HERC2: variants seen among roughly 807,000 people sequenced by gnomAD.
HERC2 encodes E3 ubiquitin-protein ligase HERC2.
In HERC2, 102 loss-of-function variants were observed where a neutral mutation model predicts 537.7. That is an observed-to-expected ratio of 0.19 (90% CI 0.16 to 0.22). HERC2 has a LOEUF of 0.22. HERC2 is among the 10% of genes least tolerant of loss of function. HERC2 has a pLI of 1.00. For synonymous variants in HERC2, 2,224 were observed against 2,466.2 expected (o/e 0.90, Z 2.91); for missense variants, 4,236 against 6,198.2 (o/e 0.68, Z 10.63).
chr15:28,137,056 T>C (rs182117225), intron 78 of HERC2, among the ~76,000 whole-genome samples: 92 of 151,438 alleles, frequency 6.1e-4, no homozygotes, highest in African/African-American at 2.2e-3. Context: ...CAATAATGTC[T>C]ATGGCAGAGG....
intron 35 of HERC2, among the ~76,000 whole-genome samples, chr15:28,225,130 G>A (rs1268572253): frequency 1.3e-5 from 2 of 152,302 alleles, no homozygotes; most frequent in East Asian, 3.9e-4. Flanking sequence ...CCTCACACCT[G>A]TAATCCCAGC....
At chr15:28,293,506 A>G (rs1445757558) in intron 3 of HERC2, among the ~76,000 whole-genome samples, 6 of 151,928 alleles carry the variant, frequency 3.9e-5, no homozygotes, top group Middle Eastern at 3.4e-3. Flanking sequence ...AAAAAAAAAA[A>G]AAAAAGAAAC....
At chr15:28,134,713 T>C (rs1890443287) in intron 79 of HERC2, among the ~76,000 whole-genome samples, 1 of 151,380 alleles carries the variant, frequency 6.6e-6, no homozygotes, top group Admixed American at 6.6e-5. Flanking sequence ...CTTTTTTTTT[T>C]TTTTTTTGAG....
intron 85 of HERC2, among the ~76,000 whole-genome samples, chr15:28,123,759 C>A (rs1197979510): frequency 6.6e-6 from 1 of 152,184 alleles, no homozygotes; most frequent in Non-Finnish European, 1.5e-5. Flanking sequence ...AAGGCCCCAC[C>A]TCATCCTTCT....
intron 2 of HERC2, among the ~76,000 whole-genome samples, chr15:28,309,056 A>T (rs11853181): frequency 0.019 from 2,831 of 152,204 alleles, 48 homozygotes; most frequent in African/African-American, 0.064. Flanking sequence ...TGAATTTTTA[A>T]TGACTTATTT....
chr15:28,149,949 C>A (rs1248779302), intron 70 of HERC2, among the ~76,000 whole-genome samples: 8 of 135,774 alleles, frequency 5.9e-5, no homozygotes, highest in Admixed American at 3.0e-4. Context: ...GTAAAATTAC[C>A]AAAAAACACA....
chr15:28,316,958 G>T (rs2077104657), intron 2 of HERC2, among the ~76,000 whole-genome samples: 1 of 151,502 alleles, frequency 6.6e-6, no homozygotes, highest in South Asian at 2.1e-4. Flanking sequence ...TGTATTTTTA[G>T]TAGAGATGGG....
At position 28,255,503 on chromosome 15, in the gene HERC2, A is replaced by AG. The variant is rs2075229645; in HGVS notation, c.2871+368dup. 2.0e-5 allele frequency among the ~76,000 whole-genome samples: 3 copies of AG among 152,362 alleles called. No individual in the cohort carries two copies. The South Asian group carries it at 6.2e-4, about 32-fold the overall frequency. ...CATTCTCCAAGGCAAAGCAAGAAAG[A>AG]GTGCATACTATATAGTTATATTGCT... is the stretch of plus-strand genomic sequence containing the variant. On this transcript the variant is annotated intron_variant, in intron 19 of 92. Coordinates refer to ENST00000261609, the MANE Select transcript of HERC2 (RefSeq NM_004667.6).
In HERC2 at chr15:28,113,435, G is replaced by A. The variant is rs1887872631; in HGVS notation, c.14019+138C>T. ...GGCCCACACACAGCCTCCTGCAGGC[G>A]GGTGGAGGGACGCGCTCAGAGTGCA... On this transcript the variant is annotated intron_variant, in intron 91 of 92. Coordinates refer to ENST00000261609, the MANE Select transcript of HERC2 (RefSeq NM_004667.6). The surrounding 1 kb of genome is among the most constrained non-coding windows in gnomAD (Gnocchi z 7.0). 5 of 1,063,454 alleles carry A rather than the reference G, an allele frequency of 4.7e-6. No homozygotes were observed. The Admixed American group carries it at 1.0e-4, about 21-fold the overall frequency. The allele number at this position is 1,063,454 out of a possible 1,614,324, so 65.9% of individuals were successfully genotyped here. A position where few individuals can be genotyped will look rare whatever the true frequency, so the allele number is the denominator to read the frequency against.
At position 28,276,192 on chromosome 15, in the gene HERC2, C is replaced by CAAAAA. The variant is rs11359639; in HGVS notation, c.543-1192_543-1188dup. 6.2e-3 allele frequency among the ~76,000 whole-genome samples: 434 copies of CAAAAA among 70,126 alleles called. 9 individuals carry two copies. The highest frequency in any genetic ancestry group is 0.019 in the African/African-American group (373 of 19,796). The allele number at this position is 70,126 out of a possible 152,430, so 46.0% of individuals were successfully genotyped here. A position where few individuals can be genotyped will look rare whatever the true frequency, so the allele number is the denominator to read the frequency against. On this transcript the variant is annotated intron_variant, in intron 5 of 92. Coordinates refer to ENST00000261609, the MANE Select transcript of HERC2 (RefSeq NM_004667.6). ...CAGAGCAAGACTCCATCTCAAAAAA[C>CAAAAA]AAAAAAAAAAAAAAAAAAAAAAAAA...
chr15:28,173,893 A>C (rs1406737972), intron 65 of HERC2, among the ~76,000 whole-genome samples: 1 of 151,918 alleles, frequency 6.6e-6, no homozygotes, highest in Non-Finnish European at 1.5e-5. Flanking sequence ...TACGGCAGGA[A>C]GGAGGGAGTT....
chr15:28,267,480 C>G (rs1274648908), intron 12 of HERC2, among the ~76,000 whole-genome samples: 1 of 152,196 alleles, frequency 6.6e-6, no homozygotes, highest in Non-Finnish European at 1.5e-5. Flanking sequence ...CGATGCCTTT[C>G]AAGTCCCGTG....
intron 45 of HERC2, chr15:28,203,923 G>T (rs1387707743): frequency 6.6e-6 from 1 of 151,946 alleles, no homozygotes; most frequent in Non-Finnish European, 1.5e-5. Context: ...CCAACTAGAG[G>T]TGGGGAGGAG....
At chr15:28,311,345 GT>G (rs1454572480) in intron 2 of HERC2, among the ~76,000 whole-genome samples, 2 of 152,400 alleles carry the variant, frequency 1.3e-5, no homozygotes, top group Admixed American at 6.5e-5. Flanking sequence ...CGCACCTGTA[GT>G]CCCACTACTC....
In HERC2 at chr15:28,141,714, G is replaced by A. The variant is rs770600872; in HGVS notation, c.11816+17C>T. 1.9e-6 allele frequency: 3 copies of A among 1,611,470 alleles called. No homozygotes were observed. The highest frequency in any genetic ancestry group is 1.1e-5 in the South Asian group (1 of 91,000). On this transcript the variant is annotated intron_variant, in intron 77 of 92. Transcript: ENST00000261609. Reference sequence around the variant, plus strand: ...ACACTCACGATCGACATTACTGCTTGTTTCTAATATAATAACCTGTTCATC... The same window carrying A: ...ACACTCACGATCGACATTACTGCTTATTTCTAATATAATAACCTGTTCATC...
In HERC2 at chr15:28,296,689, TAA is replaced by T. The variant is rs4035974; in HGVS notation, c.187+2711_187+2712del. Among the ~76,000 whole-genome samples the T allele has an allele frequency of 8.3e-3, 956 of 115,244 alleles. 12 individuals carry two copies. Among genetic ancestry groups the T allele is most frequent in the African/African-American group, 0.024 (722 of 30,710 alleles). 75.6% of individuals were successfully genotyped at this position (115,244 alleles called of 152,430 possible). On this transcript the variant is annotated intron_variant, in intron 3 of 92. Coordinates refer to ENST00000261609, the MANE Select transcript of HERC2 (RefSeq NM_004667.6). The stretch of plus-strand genomic sequence containing the variant: ...ATATACAGAATGAATTACTGATACA[TAA>T]AAAAAAAAAAAAAAAAAGGTTGCTG...
At chr15:28,136,216 C>T (rs1890619599) in intron 78 of HERC2, among the ~76,000 whole-genome samples, 1 of 151,892 alleles carries the variant, frequency 6.6e-6, no homozygotes, top group Non-Finnish European at 1.5e-5. Context: ...AAAACATACA[C>T]ACACTAAATC....
At position 28,177,433 on chromosome 15, in the gene HERC2, T is replaced by TC; in HGVS notation, c.9239dup (p.His3081ThrfsTer8). ...AGTACCCTTACATTCTGCTGAAGTGTCCAAGTTTTCCATCGTCACCTTCGC... is the reference window on the plus strand; with the variant it reads ...AGTACCCTTACATTCTGCTGAAGTGTCCCAAGTTTTCCATCGTCACCTTCGC... On this transcript the variant is annotated frameshift_variant, in exon 60 of 93. Transcript: ENST00000261609. LOFTEE classifies it high-confidence loss of function. The surrounding 1 kb of genome is among the most constrained non-coding windows in gnomAD (Gnocchi z 5.0). 1 of 1,614,160 alleles carries TC rather than the reference T, an allele frequency of 6.2e-7. No individual in the cohort carries two copies. The highest frequency in any genetic ancestry group is 8.5e-7 in the Non-Finnish European group (1 of 1,179,976).
In HERC2 at chr15:28,273,013, A is replaced by T; in HGVS notation, c.801-9T>A. On this transcript the variant is annotated splice_polypyrimidine_tract_variant and intron_variant, in intron 7 of 92. Coordinates refer to ENST00000261609, the MANE Select transcript of HERC2 (RefSeq NM_004667.6). ...GCGTTCCGTGAACATCCCTGAAATGAAAGCAGTGGATGCAGGAACAAAGCA... is the reference window on the plus strand; with the variant it reads ...GCGTTCCGTGAACATCCCTGAAATGTAAGCAGTGGATGCAGGAACAAAGCA... 1.2e-6 allele frequency: 2 copies of T among 1,607,366 alleles called. No individual in the cohort carries two copies.
Sources: allele counts gnomAD v4.1 joint callset (sites outside exome capture counted in the v4.1 genomes callset), GRCh38; gene constraint gnomAD v4.1.1; non-coding constraint Gnocchi (gnomAD v3.1); transcripts MANE v1.5; gene names NCBI Gene and HGNC (gene_info 2026-07-23, HGNC 2026-07-21).